Variants in PSD3 observed in about 807,000 individuals in gnomAD.
PSD3 encodes pleckstrin and Sec7 domain containing 3.
Under a neutral mutation model 105.5 loss-of-function variants are expected in PSD3, and 49 were observed. The observed-to-expected ratio is 0.46, with a 90% confidence interval of 0.37 to 0.59. The LOEUF is 0.59. PSD3 is among the 20% of genes least tolerant of loss of function. The pLI is 0.00. For synonymous variants in PSD3, 557 were observed against 457.8 expected (o/e 1.22, Z -2.77); for missense variants, 1,561 against 1,263.8 (o/e 1.24, Z -3.57).
intron 15 of PSD3, among the ~76,000 whole-genome samples, chr8:18,555,781 C>T (rs549743863): frequency 6.6e-6 from 1 of 152,124 alleles, no homozygotes; most frequent in Non-Finnish European, 1.5e-5. Flanking sequence ...ATAGTGTTGC[C>T]GAACAGCAAG....
intron 1 of PSD3, among the ~76,000 whole-genome samples, chr8:18,960,820 T>C (rs1823865211): frequency 6.6e-6 from 1 of 152,122 alleles, no homozygotes; most frequent in Non-Finnish European, 1.5e-5. Flanking sequence ...GCACAGTGGC[T>C]AATATCGGTA....
intron 15 of PSD3, among the ~76,000 whole-genome samples, chr8:18,554,968 G>A (rs547648462): frequency 3.3e-5 from 5 of 152,232 alleles, no homozygotes; most frequent in South Asian, 2.1e-4. Context: ...TGTGACTACC[G>A]TAGGGAGGCC....
At chr8:18,843,701 G>GT (rs1814840997) in intron 4 of PSD3, among the ~76,000 whole-genome samples, 1 of 152,142 alleles carries the variant, frequency 6.6e-6, no homozygotes, top group Non-Finnish European at 1.5e-5. Flanking sequence ...TCTGGGCTTT[G>GT]TGATTAAGGG....
At position 18,550,208 on chromosome 8, in the gene PSD3, G is replaced by C. The variant is rs569741515; in HGVS notation, c.2928+6001C>G. ...TTGGCTGCTTATTCTTCCTTCTCAG[G>C]AATGGCCCTAATTCTTTGCAATCAT... On this transcript the variant is annotated intron_variant, in intron 15 of 15. Transcript: ENST00000327040. 2.0e-5 allele frequency among the ~76,000 whole-genome samples: 3 copies of C among 152,290 alleles called. No homozygotes were observed. The East Asian group carries it at 5.8e-4, about 29-fold the overall frequency.
chr8:18,645,949 C>T (rs1040589672), intron 10 of PSD3, among the ~76,000 whole-genome samples: 4 of 152,120 alleles, frequency 2.6e-5, no homozygotes, highest in African/African-American at 9.7e-5. Context: ...TCTCTGCACA[C>T]ACTCAAATTA....
intron 1 of PSD3, among the ~76,000 whole-genome samples, chr8:19,078,560 G>C (rs1220412729): frequency 6.6e-6 from 1 of 151,986 alleles, no homozygotes; most frequent in Admixed American, 6.6e-5. Flanking sequence ...TCTGCTCTCT[G>C]CTCCCCATCA....
intron 4 of PSD3, among the ~76,000 whole-genome samples, chr8:18,811,329 T>G (rs1030712607): frequency 6.6e-6 from 1 of 152,220 alleles, no homozygotes; most frequent in Non-Finnish European, 1.5e-5. Flanking sequence ...CCAGTCATCT[T>G]CTGGTATGTC....
intron 11 of PSD3, among the ~76,000 whole-genome samples, chr8:18,625,963 T>A (rs1271151505): frequency 6.6e-6 from 1 of 152,172 alleles, no homozygotes. Flanking sequence ...GTATGTTACA[T>A]CATATTGAGA....
At chr8:18,672,131 A>C (rs1799820015) in intron 9 of PSD3, among the ~76,000 whole-genome samples, 1 of 152,230 alleles carries the variant, frequency 6.6e-6, no homozygotes, top group Non-Finnish European at 1.5e-5. Context: ...GTTGGAAAGT[A>C]GCAAGCATGT....
intron 1 of PSD3, among the ~76,000 whole-genome samples, chr8:18,947,613 C>T (rs36050678): frequency 0.14 from 21,834 of 152,174 alleles, 1,663 homozygotes; most frequent in East Asian, 0.23. Flanking sequence ...CTTCCATCGA[C>T]ACACATGTGA....
intron 10 of PSD3, among the ~76,000 whole-genome samples, chr8:18,644,267 C>T (rs1807867281): frequency 6.6e-6 from 1 of 152,220 alleles, no homozygotes; most frequent in Admixed American, 6.5e-5. Context: ...TCTTCTGCTT[C>T]TCCTTTAATT....
At chr8:18,694,434 C>A (rs1054199790) in intron 9 of PSD3, among the ~76,000 whole-genome samples, 4 of 152,172 alleles carry the variant, frequency 2.6e-5, no homozygotes, top group Admixed American at 2.0e-4. Context: ...GATGGTGAAA[C>A]CCTGTCTCTA....
intron 6 of PSD3, among the ~76,000 whole-genome samples, chr8:18,803,749 T>C (rs1810943430): frequency 6.6e-6 from 1 of 151,498 alleles, no homozygotes; most frequent in South Asian, 2.1e-4. Context: ...AGAAGTAGAA[T>C]AGTGTTTGCC....
At chr8:18,689,009 G>A (rs768457546) in intron 9 of PSD3, among the ~76,000 whole-genome samples, 16 of 152,320 alleles carry the variant, frequency 1.1e-4, no homozygotes, top group Admixed American at 2.6e-4. Context: ...GCTGGAAACT[G>A]GTGCTTCACC....
chr8:18,897,884 A>C (rs1393233784), intron 2 of PSD3, among the ~76,000 whole-genome samples: 1 of 152,170 alleles, frequency 6.6e-6, no homozygotes, highest in Non-Finnish European at 1.5e-5. Context: ...TTAGACGGTC[A>C]GTTCAGAGGT....
intron 4 of PSD3, among the ~76,000 whole-genome samples, chr8:18,864,335 A>G (rs979634407): frequency 6.6e-6 from 1 of 152,200 alleles, no homozygotes; most frequent in African/African-American, 2.4e-5. Context: ...TCGGAAAATT[A>G]GAACACTAAT....
intron 15 of PSD3, among the ~76,000 whole-genome samples, chr8:18,555,474 T>A (rs1329427470): frequency 6.6e-6 from 1 of 152,224 alleles, no homozygotes; most frequent in Non-Finnish European, 1.5e-5. Context: ...GATAATTAAT[T>A]CTTTTTATTT....
chr8:18,799,178 C>A, intron 8 of PSD3, 117 bp downstream of exon 8: 1 of 869,022 alleles, frequency 1.2e-6, no homozygotes, highest in Non-Finnish European at 1.9e-6. Flanking sequence ...TATTCACCTG[C>A]CATGGGAACC....
intron 4 of PSD3, among the ~76,000 whole-genome samples, chr8:18,839,949 C>T (rs1220067662): frequency 6.6e-6 from 1 of 152,124 alleles, no homozygotes; most frequent in African/African-American, 2.4e-5. Context: ...ACAGTGCCAC[C>T]CTTCCATAAA....
Sources: gnomAD v4.1 joint callset for allele counts (sites outside exome capture counted in the v4.1 genomes callset) on GRCh38, gnomAD v4.1.1 for gene constraint, MANE v1.5 for transcripts, NCBI Gene and HGNC (gene_info 2026-07-23, HGNC 2026-07-21) for gene names.